The following SND1 variants were observed in gnomAD, a reference collection of about 807,000 sequenced individuals.
The protein encoded by SND1 is staphylococcal nuclease domain-containing protein 1.
SND1 carries 38 observed loss-of-function variants against 121.7 expected under a neutral mutation model. The observed-to-expected ratio is 0.31, with a 90% CI of 0.24 to 0.41. The LOEUF is 0.41. Among genes scored for constraint, SND1 ranks in the 10% least tolerant of loss-of-function variants. The pLI, the probability that SND1 is intolerant of heterozygous loss-of-function variation, is 1.00. For synonymous variants in SND1, 401 were observed against 447.4 expected (o/e 0.90, Z 1.31); for missense variants, 868 against 1,184.6 (o/e 0.73, Z 3.92).
At chr7:127,677,525 G>A (rs1189089497) in intron 1 of SND1, among the ~76,000 whole-genome samples, 1 of 152,102 alleles carries the variant, frequency 6.6e-6, no homozygotes, top group African/African-American at 2.4e-5. Flanking sequence ...CATCTCACTC[G>A]CTTGTCATAA....
intron 15 of SND1, among the ~76,000 whole-genome samples, chr7:127,988,013 T>C (rs1802434198): frequency 6.6e-6 from 1 of 152,234 alleles, no homozygotes; most frequent in Non-Finnish European, 1.5e-5. Flanking sequence ...ATAATTGCAC[T>C]GGCAGAATCT....
rs997460181 is a variant in SND1, at chr7:127,941,659, G to A, written c.1669+12330G>A. 9.2e-5 allele frequency among the ~76,000 whole-genome samples: 14 copies of A among 152,152 alleles called. 1 individual carries two copies. In the South Asian group the frequency reaches 1.9e-3, roughly 20 times the overall value. On this transcript the variant is annotated intron_variant, in intron 15 of 23. Transcript: ENST00000354725. ...GATGCAGCCCCTGTGCTAGGCATGCGGTTATTAACTCCACTGATATACCAG... is the reference window on the plus strand; with the variant it reads ...GATGCAGCCCCTGTGCTAGGCATGCAGTTATTAACTCCACTGATATACCAG...
chr7:127,913,386 G>T (rs1307063929), intron 14 of SND1, among the ~76,000 whole-genome samples: 1 of 152,174 alleles, frequency 6.6e-6, no homozygotes, highest in Non-Finnish European at 1.5e-5. Flanking sequence ...AGTGTACTGA[G>T]CTATAATGAT....
chr7:128,070,760 T>G (rs549137871), intron 16 of SND1, among the ~76,000 whole-genome samples: 22 of 152,304 alleles, frequency 1.4e-4, no homozygotes, highest in Non-Finnish European at 3.2e-4. Flanking sequence ...GGGAATTAAC[T>G]CTATGTGTCT....
intron 15 of SND1, among the ~76,000 whole-genome samples, chr7:127,964,541 G>A (rs1382059123): frequency 6.6e-6 from 1 of 151,444 alleles, no homozygotes. Context: ...TTTTTCTCAG[G>A]TTTGTCAAAG....
At chr7:127,860,545 T>C (rs1410401740) in intron 12 of SND1, among the ~76,000 whole-genome samples, 1 of 152,236 alleles carries the variant, frequency 6.6e-6, no homozygotes, top group African/African-American at 2.4e-5. Flanking sequence ...GAATTGCTTG[T>C]CTGAGAGAGC....
chr7:127,755,575 G>A (rs956943963), intron 10 of SND1, among the ~76,000 whole-genome samples: 2 of 152,204 alleles, frequency 1.3e-5, no homozygotes, highest in Non-Finnish European at 2.9e-5. Context: ...AGGTGCTTTG[G>A]CATTTGGGAG....
intron 12 of SND1, among the ~76,000 whole-genome samples, chr7:127,883,642 A>G (rs554915915): frequency 6.6e-6 from 1 of 152,188 alleles, no homozygotes; most frequent in Non-Finnish European, 1.5e-5. Context: ...ATATTAACAC[A>G]TTGCTATCAT....
rs1292060937 is a variant in SND1 at position 127,752,567 on chromosome 7, G to A, written c.1152+31167G>A. On this transcript the variant is annotated intron_variant, in intron 10 of 23. Coordinates refer to ENST00000354725, the MANE Select transcript of SND1 (RefSeq NM_014390.4). ...GAAAGAGGAATTTAAAAAGTATAAT[G>A]CAGGGGCCAGGATACTTGATTTTCT... Among the ~76,000 whole-genome samples the A allele has an allele frequency of 2.0e-5, 3 of 152,180 alleles. No homozygotes were observed. In the East Asian group the frequency reaches 5.8e-4, roughly 29 times the overall value.
chr7:128,022,065 G>A (rs562305753), intron 16 of SND1, among the ~76,000 whole-genome samples: 38 of 152,004 alleles, frequency 2.5e-4, no homozygotes, highest in African/African-American at 1.9e-4. Context: ...TTAGCCAGGC[G>A]TGGTGGTGCG....
chr7:128,044,550 GT>G (rs1187687970), intron 16 of SND1, among the ~76,000 whole-genome samples: 1 of 151,806 alleles, frequency 6.6e-6, no homozygotes, highest in Non-Finnish European at 1.5e-5. Flanking sequence ...TGAAATCATT[GT>G]TTTTACAATA....
At chr7:127,817,491 A>G (rs184627582) in intron 11 of SND1, among the ~76,000 whole-genome samples, 1 of 152,308 alleles carries the variant, frequency 6.6e-6, no homozygotes, top group East Asian at 1.9e-4. Context: ...CCACGTCACC[A>G]ACTCTGCTGA....
Position 128,015,523 on chromosome 7 carries a change from T to C in SND1, c.1779+24467T>C, listed in dbSNP as rs1379661084. 6.6e-6 allele frequency among the ~76,000 whole-genome samples: 1 copy of C among 152,238 alleles called. No homozygotes were observed. Among genetic ancestry groups the C allele is most frequent in the African/African-American group, 2.4e-5 (1 of 41,460 alleles). On this transcript the variant is annotated intron_variant, in intron 16 of 23. Coordinates refer to ENST00000354725, the MANE Select transcript of SND1 (RefSeq NM_014390.4). This position sits in a 1 kb window ranked among gnomAD's most constrained non-coding sequence, Gnocchi z 4.5. Reference sequence around the variant, plus strand: ...TTCCTACCCTTACCTCATTTTAATATAGACTTTGGCAACTTCTCAAAGTAC... The same window carrying C: ...TTCCTACCCTTACCTCATTTTAATACAGACTTTGGCAACTTCTCAAAGTAC...
intron 10 of SND1, among the ~76,000 whole-genome samples, chr7:127,733,632 A>T (rs6467143): frequency 1.3e-3 from 202 of 152,344 alleles, no homozygotes; most frequent in African/African-American, 4.6e-3. Flanking sequence ...TGGCTGCCCA[A>T]CATTATTGCT....
intron 16 of SND1, among the ~76,000 whole-genome samples, chr7:127,993,533 T>A (rs1802568198): frequency 6.6e-6 from 1 of 152,256 alleles, no homozygotes; most frequent in Non-Finnish European, 1.5e-5. Flanking sequence ...TTGCCCACAG[T>A]GCACGACAGT....
chr7:127,955,962 A>T (rs1801583486), intron 15 of SND1, among the ~76,000 whole-genome samples: 1 of 152,212 alleles, frequency 6.6e-6, no homozygotes, highest in South Asian at 2.1e-4. Flanking sequence ...GCACTTGAAG[A>T]GTCCAAAACT....
Position 128,052,646 on chromosome 7 carries a change from T to C in SND1, c.1780-21856T>C, listed in dbSNP as rs554707325. 5.7e-4 allele frequency among the ~76,000 whole-genome samples: 87 copies of C among 152,342 alleles called. No individual in the cohort carries two copies. Among genetic ancestry groups the C allele is most frequent in the Non-Finnish European group, 8.8e-5 (6 of 68,026 alleles). On this transcript the variant is annotated intron_variant, in intron 16 of 23. Transcript: ENST00000354725. This position sits in a 1 kb window ranked among gnomAD's most constrained non-coding sequence, Gnocchi z 4.6. ...GCTCAGCATCAGAGTGACAGCTGCA[T>C]ACCAGGCTGTTTGCTGAACACAACT...
chr7:127,785,509 C>T (rs1445823809), intron 10 of SND1, among the ~76,000 whole-genome samples: 1 of 152,166 alleles, frequency 6.6e-6, no homozygotes, highest in Non-Finnish European at 1.5e-5. Flanking sequence ...CATTGGGGAA[C>T]TTGAGCCATT....
intron 16 of SND1, among the ~76,000 whole-genome samples, chr7:128,060,998 A>G (rs932406883): frequency 5.3e-5 from 8 of 152,138 alleles, no homozygotes; most frequent in African/African-American, 1.9e-4. Context: ...GCTTAGCACA[A>G]CAGAATTGGG....
Sources: gnomAD v4.1 joint callset for allele counts (sites outside exome capture counted in the v4.1 genomes callset) on GRCh38, gnomAD v4.1.1 for gene constraint, Gnocchi (gnomAD v3.1) non-coding constraint, MANE v1.5 for transcripts, NCBI Gene and HGNC (gene_info 2026-07-23, HGNC 2026-07-21) for gene names.